The following LRP1 variants were observed in gnomAD, a reference collection of about 807,000 sequenced individuals.
LRP1 encodes the protein LDL receptor related protein 1.
LRP1 carries 51 observed loss-of-function variants against 541.5 expected under a neutral mutation model. That is an observed-to-expected ratio of 0.09 (90% CI 0.08 to 0.12). LRP1 has a LOEUF of 0.12. Among genes scored for constraint, LRP1 ranks in the 10% least tolerant of loss-of-function variants. The pLI is 1.00. For missense variants in LRP1, 3,878 were observed against 6,376.2 expected (o/e 0.61, Z 13.34); for synonymous variants, 2,219 against 2,470.8 (o/e 0.90, Z 3.02).
At chr12:57,157,071 T>C in intron 10 of LRP1, 151 bp downstream of exon 10, 1 of 1,031,752 alleles carries the variant, frequency 9.7e-7, no homozygotes, top group Non-Finnish European at 1.3e-6. Flanking sequence ...GAGATGGGAC[T>C]TGAATCCATA....
At position 57,202,864 on chromosome 12, in the gene LRP1, C is replaced by G; in HGVS notation, c.10712-317C>G. 4 of 569,252 alleles carry G rather than the reference C, an allele frequency of 7.0e-6. No homozygotes were observed. The South Asian group carries it at 8.8e-5, about 12-fold the overall frequency. 35.3% of individuals were successfully genotyped at this position (569,252 alleles called of 1,614,324 possible). On this transcript the variant is annotated intron_variant, in intron 68 of 88. Transcript: ENST00000243077. Reference sequence around the variant, plus strand: ...CCTCTACCCATCATCCTTGATTGACCTCTCCCCAAACCCTGGTGCTTGTCT... The same window carrying G: ...CCTCTACCCATCATCCTTGATTGACGTCTCCCCAAACCCTGGTGCTTGTCT...
chr12:57,165,287 G>C lies in LRP1; in HGVS notation c.2531-518G>C, dbSNP rs554837283. Reference sequence around the variant, plus strand: ...TACCAAGGCACAGACAAAGGACGTCGTGATTTAGCTGCTAATGGGCCAAGA... The same window carrying C: ...TACCAAGGCACAGACAAAGGACGTCCTGATTTAGCTGCTAATGGGCCAAGA... On this transcript the variant is annotated intron_variant, in intron 15 of 88. Transcript: ENST00000243077. The surrounding 1 kb of genome is among the most constrained non-coding windows in gnomAD (Gnocchi z 4.5). 1 of 153,608 alleles carries C rather than the reference G, an allele frequency of 6.5e-6. No homozygotes were observed. Among genetic ancestry groups the C allele is most frequent in the Non-Finnish European group, 1.5e-5 (1 of 68,958 alleles). The allele number at this position is 153,608 out of a possible 1,614,324, so 9.5% of individuals were successfully genotyped here. A position where few individuals can be genotyped will look rare whatever the true frequency, so the allele number is the denominator to read the frequency against.
intron 20 of LRP1, among the ~76,000 whole-genome samples, chr12:57,171,266 T>A (rs2035939192): frequency 6.6e-6 from 1 of 152,146 alleles, no homozygotes; most frequent in Non-Finnish European, 1.5e-5. Context: ...TCACTATTGG[T>A]AGCAGTTGTT....
At position 57,178,022 on chromosome 12, in the gene LRP1, C is replaced by A. The variant is rs191988317; in HGVS notation, c.4362-337C>A. Among the ~76,000 whole-genome samples the A allele has an allele frequency of 6.7e-6, 1 of 150,228 alleles. No homozygotes were observed. The highest frequency in any genetic ancestry group is 6.6e-5 in the Admixed American group (1 of 15,092). ...GGAGTGCAGTGGCGCGATCTCGGCT[C>A]ACTGCAGGCTCCGCCCCCCGGGGTT... On this transcript the variant is annotated intron_variant, in intron 26 of 88. Transcript: ENST00000243077. This position sits in a 1 kb window ranked among gnomAD's most constrained non-coding sequence, Gnocchi z 5.8.
chr12:57,149,308 C>T lies in LRP1; in HGVS notation c.841+3818C>T, dbSNP rs567770161. 1.4e-4 allele frequency: 60 copies of T among 440,704 alleles called. 1 individual carries two copies. In the South Asian group the frequency reaches 1.9e-3, roughly 14 times the overall value. 27.3% of individuals were successfully genotyped at this position (440,704 alleles called of 1,614,324 possible). On this transcript the variant is annotated intron_variant, in intron 6 of 88. Transcript: ENST00000243077. ...CCCCTGCATCCTGGCACTTTTGCTT[C>T]CCATTCCTGTTCTGAGTTTCCTAAT... is the stretch of plus-strand genomic sequence containing the variant.
chr12:57,203,087 C>T (rs149909499), intron 68 of LRP1, 94 bp from the exon 69 acceptor site: 6 of 924,768 alleles, frequency 6.5e-6, no homozygotes, highest in African/African-American at 1.7e-5. Context: ...TTCAGAGACA[C>T]GGGGATGGGC....
chr12:57,175,509 A>G lies in LRP1; in HGVS notation c.3597A>G (p.Ala1199=). The change falls in exon 23 of 89, where the codon GCA becomes GCG. Residue 1199 remains alanine (A), a synonymous_variant. Coordinates refer to ENST00000243077, the MANE Select transcript of LRP1 (RefSeq NM_002332.3). ...GCTGCAGCCACAACTGCTCAGTGGCACCTGGCGAAGGCATTGTGTGTTCCT... is the reference window on the plus strand; with the variant it reads ...GCTGCAGCCACAACTGCTCAGTGGCGCCTGGCGAAGGCATTGTGTGTTCCT... ...NGGCSHNCSV[A]PGEGIVCSCP... 2 of 1,613,988 alleles carry G rather than the reference A, an allele frequency of 1.2e-6. No individual in the cohort carries two copies. The highest frequency in any genetic ancestry group is 1.7e-6 in the Non-Finnish European group (2 of 1,180,014).
chr12:57,191,991 A>G (rs1342004587), intron 44 of LRP1, among the ~76,000 whole-genome samples: 3 of 92,678 alleles, frequency 3.2e-5, no homozygotes, highest in Non-Finnish European at 6.9e-5. Flanking sequence ...TACACACCAC[A>G]CATAGGACAC....
chr12:57,138,610 C>G, intron 2 of LRP1, 29 bp downstream of exon 2: 1 of 1,612,462 alleles, frequency 6.2e-7, no homozygotes, highest in Non-Finnish European at 8.5e-7. Flanking sequence ...TTCTTCTCCC[C>G]AAACCCTTAA....
chr12:57,140,102 C>CT (rs373083618), intron 2 of LRP1, among the ~76,000 whole-genome samples: 94 of 147,758 alleles, frequency 6.4e-4, no homozygotes, highest in Non-Finnish European at 1.0e-3. Context: ...TGGCCACAAC[C>CT]TTTTTTTTTT....
intron 33 of LRP1, 107 bp from the exon 34 acceptor site, chr12:57,181,050 G>A: frequency 7.1e-7 from 1 of 1,405,980 alleles, no homozygotes; most frequent in Non-Finnish European, 9.7e-7. Context: ...CCCCCATTAG[G>A]TCCAGGGTAG....
intron 3 of LRP1, among the ~76,000 whole-genome samples, chr12:57,142,577 C>T (rs1054400339): frequency 1.3e-5 from 2 of 152,146 alleles, no homozygotes; most frequent in South Asian, 2.1e-4. Flanking sequence ...CCCTTCCTCT[C>T]GTGTGGTGTG....
Position 57,200,468 on chromosome 12 carries a change from C to T in LRP1, c.10041C>T (p.Ile3347=), listed in dbSNP as rs1220878001. ...TTGTATGCAAGAACGACAAGTGCAT[C>T]CCCTTCTGGTGGAAGTGTGACACCG... ...SQFVCKNDKC[I]PFWWKCDTED... is the part of the protein sequence containing the mutation. Residue 3347 remains isoleucine, a synonymous_variant, in exon 63 of 89, where the codon ATC becomes ATT. Coordinates refer to ENST00000243077, the MANE Select transcript of LRP1 (RefSeq NM_002332.3). The T allele has an allele frequency of 2.1e-6, 3 of 1,459,980 alleles. No individual in the cohort carries two copies. Among genetic ancestry groups the T allele is most frequent in the Non-Finnish European group, 2.8e-6 (3 of 1,082,494 alleles). 90.4% of individuals were successfully genotyped at this position (1,459,980 alleles called of 1,614,324 possible). A position where few individuals can be genotyped will look rare whatever the true frequency, so the allele number is the denominator to read the frequency against.
rs772166877 is a variant in LRP1, at chr12:57,210,906, G to C, written c.12916+27G>C. The C allele has an allele frequency of 3.8e-6, 6 of 1,598,496 alleles. No individual in the cohort carries two copies. The Admixed American group carries it at 1.0e-4, about 27-fold the overall frequency. ...TGAGTGAGCCATCCCTGGGCCCCAG[G>C]GCATGCGGGAGGGTGACGGGGGACC... On this transcript the variant is annotated intron_variant, in intron 83 of 88. Transcript: ENST00000243077.
At position 57,178,794 on chromosome 12, in the gene LRP1, C is replaced by G; in HGVS notation, c.4607-96C>G. The G allele has an allele frequency of 2.0e-6, 3 of 1,525,826 alleles. No individual in the cohort carries two copies. The highest frequency in any genetic ancestry group is 1.3e-5 in the South Asian group (1 of 79,780). The allele number at this position is 1,525,826 out of a possible 1,614,324, so 94.5% of individuals were successfully genotyped here. On this transcript the variant is annotated intron_variant, in intron 27 of 88. Transcript: ENST00000243077. The surrounding 1 kb of genome is among the most constrained non-coding windows in gnomAD (Gnocchi z 5.8). ...GGTCTAGTAGTAGCGGCTGCTGGAA[C>G]AGGGGGAGGAGAGTGGGCGAGGAAG...
Position 57,210,485 on chromosome 12 carries a change from G to A in LRP1, c.12754+5G>A. ...CCTGTGCTGCCTCCCCCTCTGGTAT[G>A]CCCCCTCATCCCGCCACGCCTGCTC... On this transcript the variant is annotated splice_donor_5th_base_variant and intron_variant, in intron 82 of 88. Transcript: ENST00000243077. 6.6e-7 allele frequency: 1 copy of A among 1,522,750 alleles called. No individual in the cohort carries two copies. The highest frequency in any genetic ancestry group is 1.3e-5 in the South Asian group (1 of 76,708). The allele number at this position is 1,522,750 out of a possible 1,614,324, so 94.3% of individuals were successfully genotyped here.
chr12:57,128,821 G>A lies in LRP1; in HGVS notation c.-144G>A, dbSNP rs950552615. On this transcript the variant is annotated 5_prime_UTR_variant, in exon 1 of 89. Coordinates refer to ENST00000243077, the MANE Select transcript of LRP1 (RefSeq NM_002332.3). ...ACTCTACCTCTTCACCCACGCCCCT[G>A]GTGCGCTTTGCCGAAGGAAAGAATA... 1 of 682,450 alleles carries A rather than the reference G, an allele frequency of 1.5e-6. No individual in the cohort carries two copies. Among genetic ancestry groups the A allele is most frequent in the Non-Finnish European group, 2.4e-6 (1 of 410,288 alleles). 42.3% of individuals were successfully genotyped at this position (682,450 alleles called of 1,614,324 possible). A position where few individuals can be genotyped will look rare whatever the true frequency, so the allele number is the denominator to read the frequency against.
Position 57,204,194 on chromosome 12 carries a change from ACTC to A in LRP1, c.10952-211_10952-209del, listed in dbSNP as rs2036719295. 1 of 493,976 alleles carries A rather than the reference ACTC, an allele frequency of 2.0e-6. No individual in the cohort carries two copies. The highest frequency in any genetic ancestry group is 3.5e-6 in the Non-Finnish European group (1 of 283,312). 30.6% of individuals were successfully genotyped at this position (493,976 alleles called of 1,614,324 possible). ...ATACCAGAGAAGGAGTGCCCTCTGA[ACTC>A]CTCCAGACACCCCTGAAAAATGGCC... On this transcript the variant is annotated intron_variant, in intron 70 of 88. Coordinates refer to ENST00000243077, the MANE Select transcript of LRP1 (RefSeq NM_002332.3). This position sits in a 1 kb window ranked among gnomAD's most constrained non-coding sequence, Gnocchi z 5.3.
Position 57,206,829 on chromosome 12 carries a change from A to G in LRP1, c.11859+88A>G. ...GGATTTGAAAAGGGCAGTGCTGGCT[A>G]GGCGCAGTGGCTCACGCCTATAATC... On this transcript the variant is annotated intron_variant, in intron 76 of 88. Coordinates refer to ENST00000243077, the MANE Select transcript of LRP1 (RefSeq NM_002332.3). The surrounding 1 kb of genome is among the most constrained non-coding windows in gnomAD (Gnocchi z 4.7). The G allele has an allele frequency of 1.4e-6, 2 of 1,455,102 alleles. No homozygotes were observed. Among genetic ancestry groups the G allele is most frequent in the Non-Finnish European group, 1.9e-6 (2 of 1,070,188 alleles). 90.1% of individuals were successfully genotyped at this position (1,455,102 alleles called of 1,614,324 possible).
Sources: gnomAD v4.1 joint callset for allele counts (sites outside exome capture counted in the v4.1 genomes callset) on GRCh38, gnomAD v4.1.1 for gene constraint, Gnocchi (gnomAD v3.1) non-coding constraint, MANE v1.5 for transcripts, NCBI Gene and HGNC (gene_info 2026-07-23, HGNC 2026-07-21) for gene names.